The following LAT2 variants were observed in gnomAD, a reference collection of about 807,000 sequenced individuals.
LAT2 encodes the protein linker for activation of T-cells family member 2.
A neutral mutation model predicts 43.4 loss-of-function variants in LAT2; 23 were observed. The observed-to-expected ratio is 0.53, with a 90% CI of 0.38 to 0.75. The LOEUF (loss-of-function observed/expected upper bound fraction) is 0.75, where lower values mean the gene tolerates loss of function less well. Among genes scored for constraint, LAT2 ranks in the 30% least tolerant of loss-of-function variants. LAT2 has a pLI of 0.00. For synonymous variants in LAT2, 128 were observed against 123.2 expected (o/e 1.04, Z -0.26); for missense variants, 284 against 310.2 (o/e 0.92, Z 0.64).
Position 74,220,589 on chromosome 7 carries a change from G to C in LAT2, c.271G>C (p.Ala91Pro), listed in dbSNP as rs1406341043. The C allele has an allele frequency of 6.2e-7, 1 of 1,614,042 alleles. No individual in the cohort carries two copies. The highest frequency in any genetic ancestry group is 1.7e-5 in the Admixed American group (1 of 60,026). The change falls in exon 8 of 14, where the codon GCA (alanine) becomes CCA (proline). Residue 91 changes from alanine (A) to proline (P), a missense_variant. Coordinates refer to ENST00000460943, the MANE Select transcript of LAT2 (RefSeq NM_032464.3). This position sits in a 1 kb window ranked among gnomAD's most constrained non-coding sequence, Gnocchi z 4.5. ...TAGCTGGGTCTTTCTTCCAGATCCA[G>C]CATCTTCCAGGTACCAGAACTTCAG... Reference protein sequence around the residue: ...LQFYPSLEDPASSRYQNFSKG... With the variant: ...LQFYPSLEDPPSSRYQNFSKG...
Position 74,219,725 on chromosome 7 carries a change from A to G in LAT2, c.135-19A>G. On this transcript the variant is annotated intron_variant, in intron 4 of 13. Transcript: ENST00000460943. ...GTGGGAGTCCAGGCCCAGGCTCAGCACAGCCCATGCATTTCCAGGCGTGAG... is the reference window on the plus strand; with the variant it reads ...GTGGGAGTCCAGGCCCAGGCTCAGCGCAGCCCATGCATTTCCAGGCGTGAG... 1 of 1,613,960 alleles carries G rather than the reference A, an allele frequency of 6.2e-7. No homozygotes were observed. Among genetic ancestry groups the G allele is most frequent in the South Asian group, 1.1e-5 (1 of 91,084 alleles).
rs558000204 is a variant in LAT2 at position 74,226,660 on chromosome 7, C to T, written c.*18+1900C>T. ...ACAGAGTGAGACCCTGTCAAAACAA[C>T]AACAACAACAAGAAAACAGATAAGA... On this transcript the variant is annotated intron_variant, in intron 13 of 13. Transcript: ENST00000460943. Among the ~76,000 whole-genome samples the T allele has an allele frequency of 6.0e-4, 92 of 152,074 alleles. 1 individual carries two copies. The highest frequency in any genetic ancestry group is 2.1e-3 in the African/African-American group (89 of 41,490).
At position 74,220,446 on chromosome 7, in the gene LAT2, A is replaced by T. The variant is rs1156477131; in HGVS notation, c.266-138A>T. 9 of 1,257,330 alleles carry T rather than the reference A, an allele frequency of 7.2e-6. No individual in the cohort carries two copies. The highest frequency in any genetic ancestry group is 1.9e-5 in the Admixed American group (1 of 51,400). The allele number at this position is 1,257,330 out of a possible 1,614,324, so 77.9% of individuals were successfully genotyped here. A position where few individuals can be genotyped will look rare whatever the true frequency, so the allele number is the denominator to read the frequency against. ...GCAGGGGGAGGGTGCACACTCGCAC[A>T]TGCCCCACTGAGGGGACAGGGAGCA... On this transcript the variant is annotated intron_variant, in intron 7 of 13. Transcript: ENST00000460943. This position sits in a 1 kb window ranked among gnomAD's most constrained non-coding sequence, Gnocchi z 4.5.
At chr7:74,213,061 G>A (rs1801784458) in intron 1 of LAT2, among the ~76,000 whole-genome samples, 1 of 152,152 alleles carries the variant, frequency 6.6e-6, no homozygotes, top group Non-Finnish European at 1.5e-5. Context: ...AGGTCCTGGT[G>A]GACCTCAGGG....
At chr7:74,228,133 A>C (rs1802558764) in intron 13 of LAT2, among the ~76,000 whole-genome samples, 1 of 122,814 alleles carries the variant, frequency 8.1e-6, no homozygotes. Flanking sequence ...CTAAGATCGC[A>C]CCATTGCACT....
chr7:74,219,779 C>A lies in LAT2; in HGVS notation c.170C>A (p.Thr57Asn). ...EDQQSFTGSR[T>N]YSLVGQAWPG... The stretch of plus-strand genomic sequence containing the variant: ...CAACAGAGCTTTACGGGGTCCCGGA[C>A]CTACTCCTGTGAGTCTCCAAGTGTC... Residue 57 changes from threonine (T) to asparagine (N), a missense_variant, in exon 5 of 14, where the codon ACC becomes AAC. Physicochemically the swap from Thr to Asn is moderately conservative, Grantham distance 65 (BLOSUM62 0). Coordinates refer to ENST00000460943, the MANE Select transcript of LAT2 (RefSeq NM_032464.3). 1 of 1,614,112 alleles carries A rather than the reference C, an allele frequency of 6.2e-7. No homozygotes were observed. The highest frequency in any genetic ancestry group is 1.6e-4 in the Middle Eastern group (1 of 6,062).
chr7:74,222,555 C>T (rs1327584579), intron 10 of LAT2, among the ~76,000 whole-genome samples: 1 of 151,798 alleles, frequency 6.6e-6, no homozygotes, highest in Non-Finnish European at 1.5e-5. Flanking sequence ...GGGGGGTCCT[C>T]TTCTGCCCCC....
Position 74,220,081 on chromosome 7 carries a change from G to GA in LAT2, c.227+74dup. 3.2e-6 allele frequency: 5 copies of GA among 1,581,912 alleles called. No individual in the cohort carries two copies. Among genetic ancestry groups the GA allele is most frequent in the Non-Finnish European group, 4.3e-6 (5 of 1,158,138 alleles). ...TCCTCACCTGGTGAGCCCAGGTCAA[G>GA]ACCTCCCTCCCTCCCCGAGTCCCAG... On this transcript the variant is annotated intron_variant, in intron 6 of 13. Transcript: ENST00000460943. The surrounding 1 kb of genome is among the most constrained non-coding windows in gnomAD (Gnocchi z 4.5).
Position 74,224,026 on chromosome 7 carries a change from CAGG to C in LAT2, c.461_463del (p.Glu154del), listed in dbSNP as rs782090482. ...ATTCTCCCTCTCTGCAGGTGCCCAGCAGGAGGGCATAGGTGGCCTCTGCAGAGG... is the reference window on the plus strand; with the variant it reads ...ATTCTCCCTCTCTGCAGGTGCCCAGCAGGGCATAGGTGGCCTCTGCAGAGG... On this transcript the variant is annotated inframe_deletion, in exon 12 of 14. Transcript: ENST00000460943. 1 of 1,613,820 alleles carries C rather than the reference CAGG, an allele frequency of 6.2e-7. No homozygotes were observed. The highest frequency in any genetic ancestry group is 1.7e-5 in the Admixed American group (1 of 59,974).
At position 74,216,095 on chromosome 7, in the gene LAT2, T is replaced by G. The variant is rs782153495; in HGVS notation, c.94+26T>G. 1.6e-5 allele frequency: 26 copies of G among 1,584,584 alleles called. No individual in the cohort carries two copies. In the Middle Eastern group the frequency reaches 7.2e-4, roughly 44 times the overall value. ...GTAAGCGGGGGTCTCGGGGACGTGATGGGGAGAAGGTGTGGACAGTGCATC... is the reference window on the plus strand; with the variant it reads ...GTAAGCGGGGGTCTCGGGGACGTGAGGGGGAGAAGGTGTGGACAGTGCATC... On this transcript the variant is annotated intron_variant, in intron 3 of 13. Coordinates refer to ENST00000460943, the MANE Select transcript of LAT2 (RefSeq NM_032464.3).
At chr7:74,224,497 A>T in intron 12 of LAT2, 142 bp from the exon 13 acceptor site, 1 of 733,360 alleles carries the variant, frequency 1.4e-6, no homozygotes, top group Non-Finnish European at 2.4e-6. Context: ...CAGAGACAGG[A>T]CAGACACACA....
At chr7:74,228,371 G>A (rs1227555985) in intron 13 of LAT2, among the ~76,000 whole-genome samples, 1 of 151,386 alleles carries the variant, frequency 6.6e-6, no homozygotes, top group Non-Finnish European at 1.5e-5. Context: ...AGCTACTTGG[G>A]AGGCTGAGGC....
At chr7:74,223,559 T>G (rs1448074631) in intron 10 of LAT2, among the ~76,000 whole-genome samples, 165 bp from the exon 11 acceptor site, 4 of 151,676 alleles carry the variant, frequency 2.6e-5, no homozygotes, top group Non-Finnish European at 5.9e-5. Flanking sequence ...CCAGCACCCA[T>G]TAGGAAGCTC....
chr7:74,222,400 CA>C (rs782642560), intron 10 of LAT2, among the ~76,000 whole-genome samples: 326 of 129,736 alleles, frequency 2.5e-3, no homozygotes, highest in Non-Finnish European at 2.2e-3. Flanking sequence ...GACTCCATCT[CA>C]AAAAAAAAAA....
chr7:74,219,977 C>T lies in LAT2; in HGVS notation c.196C>T (p.Pro66Ser). 2 of 1,613,612 alleles carry T rather than the reference C, an allele frequency of 1.2e-6. No individual in the cohort carries two copies. The highest frequency in any genetic ancestry group is 1.7e-6 in the Non-Finnish European group (2 of 1,179,974). Residue 66 changes from proline (P) to serine (S), a missense_variant, in exon 6 of 14, where the codon CCA becomes TCA. By Grantham distance (74) the Pro-to-Ser change is moderately conservative. Coordinates refer to ENST00000460943, the MANE Select transcript of LAT2 (RefSeq NM_032464.3). ...RTYSLVGQAW[P>S]GPLADMAPTR... ...CTTTGTAGTGGTCGGGCAGGCATGG[C>T]CAGGACCCCTGGCGGACATGGCACC...
intron 4 of LAT2, among the ~76,000 whole-genome samples, chr7:74,217,986 G>A (rs572724200): frequency 5.9e-5 from 9 of 152,242 alleles, no homozygotes; most frequent in South Asian, 2.1e-4. Context: ...CTTTCTGGCC[G>A]CCTGCAACCT....
intron 11 of LAT2, 26 bp downstream of exon 11, chr7:74,223,809 C>T: frequency 1.2e-6 from 2 of 1,610,208 alleles, no homozygotes. Context: ...CAGAGGCAGG[C>T]TGGGGCTGGG....
chr7:74,221,903 G>A (rs568009601), intron 10 of LAT2, among the ~76,000 whole-genome samples: 87 of 151,752 alleles, frequency 5.7e-4, no homozygotes, highest in Non-Finnish European at 1.1e-3. Flanking sequence ...GGCACAGGGC[G>A]TGGGAGAGAG....
At chr7:74,212,723 C>T (rs895688916) in intron 1 of LAT2, among the ~76,000 whole-genome samples, 8 of 152,164 alleles carry the variant, frequency 5.3e-5, no homozygotes, top group African/African-American at 1.9e-4. Context: ...GGGGGTACAC[C>T]CCGGGTTGGG....
Sources: gnomAD v4.1 joint callset for allele counts (sites outside exome capture counted in the v4.1 genomes callset) on GRCh38, gnomAD v4.1.1 for gene constraint, Gnocchi (gnomAD v3.1) non-coding constraint, MANE v1.5 for transcripts, NCBI Gene and HGNC (gene_info 2026-07-23, HGNC 2026-07-21) for gene names.